DLG2: variants seen among roughly 807,000 people sequenced by gnomAD.
The protein encoded by DLG2 is discs large MAGUK scaffold protein 2.
In DLG2, 45 loss-of-function variants were observed where a neutral mutation model predicts 132.5. That is an observed-to-expected ratio of 0.34 (90% CI 0.27 to 0.44). DLG2 has a LOEUF of 0.44. DLG2 is among the 20% of genes least tolerant of loss of function. DLG2 has a pLI of 1.00. For missense variants in DLG2, 1,045 were observed against 1,196.9 expected, an observed-to-expected ratio of 0.87 and a Z score of 1.87; for synonymous variants, 424 against 419.6, an observed-to-expected ratio of 1.01 and a Z score of -0.13.
At chr11:84,099,615 A>C (rs895654969) in intron 9 of DLG2, among the ~76,000 whole-genome samples, 2 of 151,682 alleles carry the variant, frequency 1.3e-5, no homozygotes, top group Non-Finnish European at 2.9e-5. Flanking sequence ...ACAGGCTTTA[A>C]TTTGCAATAG....
chr11:83,842,601 G>T (rs1429534212), intron 16 of DLG2, among the ~76,000 whole-genome samples: 1 of 151,398 alleles, frequency 6.6e-6, no homozygotes, highest in Non-Finnish European at 1.5e-5. Context: ...GGCCGAGGCG[G>T]GTGGATCACG....
intron 8 of DLG2, among the ~76,000 whole-genome samples, chr11:84,247,196 T>C (rs1191959898): frequency 6.6e-6 from 1 of 152,210 alleles, no homozygotes; most frequent in African/African-American, 2.4e-5. Flanking sequence ...TAAAGAATAC[T>C]ATTTGTTAGG....
intron 7 of DLG2, among the ~76,000 whole-genome samples, chr11:84,313,546 A>AAGGAAGGG (rs1567259327): frequency 2.3e-5 from 1 of 44,210 alleles, no homozygotes; most frequent in East Asian, 1.6e-3. Context: ...GGAAGGAAGG[A>AAGGAAGGG]AGGGAGGGAG....
intron 8 of DLG2, among the ~76,000 whole-genome samples, chr11:84,222,589 G>A (rs2154327854): frequency 6.6e-6 from 1 of 152,224 alleles, no homozygotes; most frequent in South Asian, 2.1e-4. Flanking sequence ...TTTTGCACAT[G>A]TATCACCTAA....
chr11:85,308,675 CT>C (rs2080121875), intron 3 of DLG2, among the ~76,000 whole-genome samples: 1 of 152,152 alleles, frequency 6.6e-6, no homozygotes, highest in South Asian at 2.1e-4. Context: ...AATAACCCCT[CT>C]AATAAATTAT....
At chr11:83,891,103 A>C (rs2069700641) in intron 15 of DLG2, among the ~76,000 whole-genome samples, 1 of 152,180 alleles carries the variant, frequency 6.6e-6, no homozygotes, top group African/African-American at 2.4e-5. Flanking sequence ...GAAGTCAGTA[A>C]TGGTCTAAAA....
intron 8 of DLG2, among the ~76,000 whole-genome samples, chr11:84,239,232 G>A (rs1675464441): frequency 6.6e-6 from 1 of 152,128 alleles, no homozygotes; most frequent in South Asian, 2.1e-4. Context: ...CCAGGCTGCA[G>A]TGTAGGGGTG....
intron 7 of DLG2, among the ~76,000 whole-genome samples, chr11:84,473,913 T>G (rs936432882): frequency 3.3e-5 from 5 of 152,044 alleles, no homozygotes; most frequent in Admixed American, 2.6e-4. Context: ...TCTTTATATC[T>G]AGGTAAAACT....
At chr11:84,680,063 A>G (rs2099724839) in intron 6 of DLG2, among the ~76,000 whole-genome samples, 1 of 152,080 alleles carries the variant, frequency 6.6e-6, no homozygotes, top group African/African-American at 2.4e-5. Flanking sequence ...TGTTAGAGCC[A>G]TTTCCAACTC....
In DLG2 at chr11:84,640,267, C is replaced by T. The variant is rs192035281; in HGVS notation, c.358-105536G>A. The T allele has an allele frequency of 2.5e-3, 793 of 323,172 alleles. 11 individuals carry two copies. The highest frequency in any genetic ancestry group is 0.016 in the African/African-American group (735 of 45,422). The allele number at this position is 323,172 out of a possible 1,614,324, so 20.0% of individuals were successfully genotyped here. On this transcript the variant is annotated intron_variant, in intron 6 of 27. Transcript: ENST00000376104. ...GTGGGCTTCCATTACAAGACGAGGTCTGCACATGCTCACTTCCCTATCAAT... is the reference window on the plus strand; with the variant it reads ...GTGGGCTTCCATTACAAGACGAGGTTTGCACATGCTCACTTCCCTATCAAT...
chr11:84,288,329 T>C (rs2097938530), intron 7 of DLG2, among the ~76,000 whole-genome samples: 1 of 152,014 alleles, frequency 6.6e-6, no homozygotes, highest in Admixed American at 6.6e-5. Flanking sequence ...TTAGCTATTG[T>C]CAACAGTATT....
chr11:85,427,638 G>T (rs1182679345), intron 3 of DLG2, among the ~76,000 whole-genome samples: 2 of 152,166 alleles, frequency 1.3e-5, no homozygotes, highest in Admixed American at 6.5e-5. Context: ...ACTAAACATG[G>T]AAAGGAACAA....
chr11:84,796,471 G>C (rs150070075), intron 6 of DLG2, among the ~76,000 whole-genome samples: 10 of 152,222 alleles, frequency 6.6e-5, no homozygotes, highest in Admixed American at 6.5e-4. Flanking sequence ...TTTTCTGTGT[G>C]CTTACTATTA....
intron 11 of DLG2, among the ~76,000 whole-genome samples, chr11:84,020,569 A>T (rs1347330006): frequency 1.3e-5 from 2 of 152,240 alleles, no homozygotes; most frequent in African/African-American, 4.8e-5. Context: ...AGCTAAAAAG[A>T]TGAAATCACT....
chr11:83,642,288 G>A (rs560390687), intron 18 of DLG2, among the ~76,000 whole-genome samples: 3 of 152,292 alleles, frequency 2.0e-5, no homozygotes, highest in South Asian at 4.1e-4. Flanking sequence ...TAGCTTACCA[G>A]ATCTAATACT....
intron 19 of DLG2, among the ~76,000 whole-genome samples, chr11:83,628,394 A>G (rs982674764): frequency 2.0e-5 from 3 of 152,206 alleles, no homozygotes; most frequent in Non-Finnish European, 4.4e-5. Context: ...TCTACCTGGC[A>G]GAAGCTAGCA....
intron 3 of DLG2, among the ~76,000 whole-genome samples, chr11:85,443,391 A>G (rs1046160576): frequency 6.6e-6 from 1 of 152,210 alleles, no homozygotes; most frequent in Non-Finnish European, 1.5e-5. Flanking sequence ...TAGCTGTGTA[A>G]TTGTCAAGTC....
intron 17 of DLG2, among the ~76,000 whole-genome samples, chr11:83,826,875 C>T (rs930572490): frequency 3.3e-5 from 5 of 152,104 alleles, no homozygotes; most frequent in African/African-American, 1.2e-4. Flanking sequence ...AGCTGTTTCA[C>T]TTTTGGGGAC....
intron 7 of DLG2, among the ~76,000 whole-genome samples, chr11:84,469,166 A>G (rs1391610465): frequency 1.3e-5 from 2 of 151,690 alleles, no homozygotes; most frequent in African/African-American, 4.8e-5. Flanking sequence ...GGAAGGTTTT[A>G]TTCTGGTATA....
Sources: gnomAD v4.1 joint callset for allele counts (sites outside exome capture counted in the v4.1 genomes callset) on GRCh38, gnomAD v4.1.1 for gene constraint, MANE v1.5 for transcripts, NCBI Gene and HGNC (gene_info 2026-07-23, HGNC 2026-07-21) for gene names.